Variants in MYO1E observed in about 807,000 individuals in gnomAD.
MYO1E encodes the protein myosin IE.
Under a neutral mutation model 151.1 loss-of-function variants are expected in MYO1E, and 68 were observed. The ratio of observed to expected loss-of-function variants is 0.45; its 90% CI spans 0.37 to 0.55. The LOEUF is 0.55. Among genes scored for constraint, MYO1E ranks in the 20% least tolerant of loss-of-function variants. The pLI is 0.00. For synonymous variants in MYO1E, 601 were observed against 501.7 expected (o/e 1.20, Z -2.64); for missense variants, 1,363 against 1,389.3 (o/e 0.98, Z 0.30).
chr15:59,154,828 A>AAAT (rs1255080632), intron 25 of MYO1E, among the ~76,000 whole-genome samples: 1 of 152,214 alleles, frequency 6.6e-6, no homozygotes, highest in Non-Finnish European at 1.5e-5. Context: ...ATTATTGCAG[A>AAAT]AATATTTCAT....
rs558335538 is a variant in MYO1E at position 59,157,836 on chromosome 15, C to A, written c.2878+451G>T. ...TTTTGGTAATATCTGCATTTTCAAG[C>A]CCCCACTGGGCGTCTTGGAATGCAT... On this transcript the variant is annotated intron_variant, in intron 25 of 27. Coordinates refer to ENST00000288235, the MANE Select transcript of MYO1E (RefSeq NM_004998.4). 3.2e-4 allele frequency among the ~76,000 whole-genome samples: 49 copies of A among 152,312 alleles called. No individual in the cohort carries two copies. The South Asian group carries it at 7.3e-3, about 23-fold the overall frequency.
intron 1 of MYO1E, among the ~76,000 whole-genome samples, chr15:59,328,106 A>C (rs2080676722): frequency 6.6e-6 from 1 of 152,210 alleles, no homozygotes; most frequent in Non-Finnish European, 1.5e-5. Context: ...CTCTCAAAGG[A>C]GATGGGGCTG....
In MYO1E at chr15:59,236,648, T is replaced by C. The variant is rs2080068396; in HGVS notation, c.357A>G (p.Thr119=). Reference sequence around the variant, plus strand: ...AGCTCATGATATATTTGGCAGCCACTGTTTTTCCAGCACCACTTTCACCAC... The same window carrying C: ...AGCTCATGATATATTTGGCAGCCACCGTTTTTCCAGCACCACTTTCACCAC... ...IISGESGAGK[T]VAAKYIMSYI... Residue 119 remains threonine, a synonymous_variant, in exon 5 of 28, where the codon ACA becomes ACG. Transcript: ENST00000288235. 1.2e-6 allele frequency: 2 copies of C among 1,613,884 alleles called. No homozygotes were observed. The highest frequency in any genetic ancestry group is 3.3e-5 in the Admixed American group (2 of 59,992).
intron 1 of MYO1E, among the ~76,000 whole-genome samples, chr15:59,320,638 G>C (rs1223897141): frequency 7.9e-5 from 12 of 152,146 alleles, no homozygotes; most frequent in Non-Finnish European, 1.6e-4. Context: ...GCCATATGCA[G>C]AAGAATAAAA....
intron 1 of MYO1E, among the ~76,000 whole-genome samples, chr15:59,341,638 C>T (rs1421670253): frequency 1.3e-5 from 2 of 152,126 alleles, no homozygotes; most frequent in Non-Finnish European, 1.5e-5. Context: ...AACATAATGA[C>T]CTCCAGTTCC....
intron 18 of MYO1E, among the ~76,000 whole-genome samples, chr15:59,179,185 C>G (rs998889876): frequency 3.3e-5 from 5 of 152,196 alleles, no homozygotes; most frequent in African/African-American, 9.7e-5. Flanking sequence ...GCTCCCCAAA[C>G]TCATCACTCG....
chr15:59,225,741 G>C (rs1375395292), intron 7 of MYO1E, among the ~76,000 whole-genome samples: 1 of 150,838 alleles, frequency 6.6e-6, no homozygotes, highest in Non-Finnish European at 1.5e-5. Flanking sequence ...CCGCCTCCCA[G>C]GTTCACGCCA....
At chr15:59,194,718 T>C (rs74017390) in intron 17 of MYO1E, among the ~76,000 whole-genome samples, 14,225 of 152,216 alleles carry the variant, frequency 0.093, 1,822 homozygotes, top group African/African-American at 0.28. Flanking sequence ...ATCAGGCCTC[T>C]GAACAATGTG....
At chr15:59,229,240 C>A (rs2080010981) in intron 6 of MYO1E, among the ~76,000 whole-genome samples, 4 of 152,198 alleles carry the variant, frequency 2.6e-5, no homozygotes. Flanking sequence ...CAGTGCTCAA[C>A]CTTGGATGCC....
chr15:59,243,023 GATTAACC>G (rs1365187904), intron 4 of MYO1E, among the ~76,000 whole-genome samples: 1 of 151,014 alleles, frequency 6.6e-6, no homozygotes, highest in Non-Finnish European at 1.5e-5. Context: ...ACGGAGTTGG[GATTAACC>G]ATGTCAATGT....
chr15:59,363,061 C>T lies in MYO1E; in HGVS notation c.3+9437G>A, dbSNP rs574583228. Among the ~76,000 whole-genome samples, 51 of 149,468 alleles carry T rather than the reference C, an allele frequency of 3.4e-4. 2 individuals carry two copies. Among genetic ancestry groups the T allele is most frequent in the African/African-American group, 1.1e-3 (46 of 40,872 alleles). On this transcript the variant is annotated intron_variant, in intron 1 of 27. Transcript: ENST00000288235. ...CACGATCTCGGCTCACTGCAAGCTC[C>T]GCCTCCCAGGCTCACGCCATTCTCC...
In MYO1E at chr15:59,134,795, GGTAA is replaced by G. The variant is rs1300771146; in HGVS notation, c.*2581_*2584del. The stretch of plus-strand genomic sequence containing the variant: ...CTTGATCTTCTGTATGTTCTTTCCT[GGTAA>G]GTGACTCCTAAAGTGGTCATATTTG... On this transcript the variant is annotated 3_prime_UTR_variant, in exon 28 of 28. Transcript: ENST00000288235. The G allele has an allele frequency of 7.2e-4, 109 of 152,228 alleles. No homozygotes were observed. The highest frequency in any genetic ancestry group is 2.6e-3 in the African/African-American group (108 of 41,528). 9.4% of individuals were successfully genotyped at this position (152,228 alleles called of 1,614,324 possible). A position where few individuals can be genotyped will look rare whatever the true frequency, so the allele number is the denominator to read the frequency against.
At chr15:59,164,431 C>T (rs958262524) in intron 22 of MYO1E, among the ~76,000 whole-genome samples, 1 of 152,196 alleles carries the variant, frequency 6.6e-6, no homozygotes, top group Non-Finnish European at 1.5e-5. Flanking sequence ...CCAAGTGCCA[C>T]AGACACGGTT....
intron 1 of MYO1E, chr15:59,359,944 T>C (rs146248078): frequency 6.6e-6 from 1 of 152,312 alleles, no homozygotes; most frequent in Non-Finnish European, 1.5e-5. Flanking sequence ...GAGCAGTTAG[T>C]GTCTAGCTTT....
At chr15:59,243,099 CTTTT>C (rs3985715) in intron 4 of MYO1E, among the ~76,000 whole-genome samples, 4 of 133,456 alleles carry the variant, frequency 3.0e-5, no homozygotes, top group Non-Finnish European at 6.2e-5. Flanking sequence ...TTAGACCCTG[CTTTT>C]TTTTTTTTTT....
chr15:59,150,823 A>G (rs2079470994), intron 26 of MYO1E, among the ~76,000 whole-genome samples: 1 of 152,094 alleles, frequency 6.6e-6, no homozygotes, highest in Non-Finnish European at 1.5e-5. Context: ...CTTAGGCCCT[A>G]CCCCAGACCT....
chr15:59,285,350 CT>C (rs368001329), intron 1 of MYO1E, among the ~76,000 whole-genome samples: 2,866 of 74,036 alleles, frequency 0.039, 27 homozygotes, highest in African/African-American at 0.13. Flanking sequence ...GACACTGTCT[CT>C]TTTTTTTTTT....
intron 26 of MYO1E, among the ~76,000 whole-genome samples, chr15:59,147,388 C>T (rs2079447397): frequency 6.6e-6 from 1 of 151,870 alleles, no homozygotes; most frequent in Non-Finnish European, 1.5e-5. Context: ...TCACTTGAGG[C>T]CAGGAGTTCG....
rs183505617 is a variant in MYO1E, at chr15:59,214,494, A to G, written c.1188+146T>C. 5,512 of 1,002,046 alleles carry G rather than the reference A, an allele frequency of 5.5e-3. 23 individuals are homozygous for G. Among genetic ancestry groups the G allele is most frequent in the Non-Finnish European group, 7.2e-3 (4,527 of 633,116 alleles). 62.1% of individuals were successfully genotyped at this position (1,002,046 alleles called of 1,614,324 possible). ...TGGTAAAGGCACATGAAGAACTCAC[A>G]AAGGCAAAAATGAGCCTGAGTTGTT... On this transcript the variant is annotated intron_variant, in intron 11 of 27. Transcript: ENST00000288235.
Sources: gnomAD v4.1 joint callset for allele counts (sites outside exome capture counted in the v4.1 genomes callset) on GRCh38, gnomAD v4.1.1 for gene constraint, MANE v1.5 for transcripts, NCBI Gene and HGNC (gene_info 2026-07-23, HGNC 2026-07-21) for gene names.